The following AREL1 variants were observed in gnomAD, a reference collection of about 807,000 sequenced individuals.
AREL1 encodes apoptosis resistant E3 ubiquitin protein ligase 1.
AREL1 carries 62 observed loss-of-function variants against 99.0 expected under a neutral mutation model. The observed-to-expected ratio is 0.63, with a 90% CI of 0.51 to 0.77. The LOEUF (loss-of-function observed/expected upper bound fraction) is 0.77, where lower values mean the gene tolerates loss of function less well. AREL1 is among the 30% of genes least tolerant of loss of function. The probability of loss-of-function intolerance (pLI) is 0.00; values close to 1 mark genes in which losing one functional copy is unlikely to be tolerated. For synonymous variants in AREL1, 380 were observed against 376.5 expected (o/e 1.01, Z -0.11); for missense variants, 879 against 1,027.6 (o/e 0.86, Z 1.98).
rs917269426 is a variant in AREL1 at position 74,680,837 on chromosome 14, G to C, written c.481+2459C>G. ...CAGATTTTTGGCCTAGGGTGCTGAA[G>C]TGGTAAGTAAGTATATTGCCAATAT... On this transcript the variant is annotated intron_variant, in intron 5 of 19. Coordinates refer to ENST00000356357, the MANE Select transcript of AREL1 (RefSeq NM_001039479.2). 1.1e-4 allele frequency among the ~76,000 whole-genome samples: 17 copies of C among 152,262 alleles called. No individual in the cohort carries two copies. The South Asian group carries it at 2.9e-3, about 26-fold the overall frequency.
intron 1 of AREL1, 89 bp downstream of exon 1, chr14:74,712,844 A>AC (rs2090340208): frequency 1.1e-5 from 5 of 438,716 alleles, no homozygotes; most frequent in Admixed American, 6.8e-5. Context: ...AGGAGTCTGA[A>AC]CCCCCCTACC....
At chr14:74,668,751 T>A (rs1030040873) in intron 15 of AREL1, among the ~76,000 whole-genome samples, 1 of 152,338 alleles carries the variant, frequency 6.6e-6, no homozygotes, top group Admixed American at 6.5e-5. Flanking sequence ...ATTCCTATTC[T>A]GCTTTTAACT....
At chr14:74,709,458 TCAGCCAC>T (rs1566708106) in intron 1 of AREL1, among the ~76,000 whole-genome samples, 2 of 152,212 alleles carry the variant, frequency 1.3e-5, no homozygotes, top group Non-Finnish European at 2.9e-5. Flanking sequence ...ACATCTCTAT[TCAGCCAC>T]CAACCATACT....
intron 1 of AREL1, among the ~76,000 whole-genome samples, chr14:74,694,806 G>C (rs1225389014): frequency 6.6e-6 from 1 of 151,882 alleles, no homozygotes; most frequent in Non-Finnish European, 1.5e-5. Flanking sequence ...TGGCTAACAC[G>C]GTGAAATCCC....
intron 3 of AREL1, among the ~76,000 whole-genome samples, 173 bp downstream of exon 3, chr14:74,685,427 C>T (rs1443507747): frequency 3.9e-5 from 6 of 152,116 alleles, no homozygotes; most frequent in Non-Finnish European, 8.8e-5. Flanking sequence ...ACTATAATTG[C>T]TCAATAAACC....
At chr14:74,680,518 T>C (rs2089605799) in intron 5 of AREL1, among the ~76,000 whole-genome samples, 2 of 152,164 alleles carry the variant, frequency 1.3e-5, no homozygotes, top group African/African-American at 2.4e-5. Flanking sequence ...AAACTAAGCA[T>C]ACAACTCCAA....
chr14:74,669,105 G>C (rs1030508158), intron 15 of AREL1, among the ~76,000 whole-genome samples: 1 of 152,162 alleles, frequency 6.6e-6, no homozygotes, highest in Non-Finnish European at 1.5e-5. Flanking sequence ...AAGTTGCCCA[G>C]GCTGGTCTTG....
chr14:74,669,723 G>C lies in AREL1; in HGVS notation c.1840C>G (p.Leu614Val). ...TCCATCTCACTCATGTCATTGTTGA[G>C]GATAAAACAAACTTTAGATTTGTAG... The part of the protein sequence containing the change: ...EFYKSKVCFI[L>V]NNDMSEMELV... The change falls in exon 15 of 20, where the codon CTC becomes GTC. Residue 614 changes from leucine to valine, a missense_variant. By Grantham distance (32) the Leu-to-Val change is conservative. Coordinates refer to ENST00000356357, the MANE Select transcript of AREL1 (RefSeq NM_001039479.2). The C allele has an allele frequency of 6.2e-7, 1 of 1,614,118 alleles. No homozygotes were observed. The highest frequency in any genetic ancestry group is 1.7e-5 in the Admixed American group (1 of 60,014).
chr14:74,708,830 T>G (rs1370155401), intron 1 of AREL1, among the ~76,000 whole-genome samples: 1 of 152,214 alleles, frequency 6.6e-6, no homozygotes, highest in Non-Finnish European at 1.5e-5. Context: ...ACCATGACTA[T>G]TTAGTTTCTA....
chr14:74,702,338 C>A (rs1179565837), intron 1 of AREL1, among the ~76,000 whole-genome samples: 2 of 152,242 alleles, frequency 1.3e-5, no homozygotes, highest in African/African-American at 2.4e-5. Context: ...GGTTCTCAAA[C>A]CTCAGTTCTT....
At position 74,672,892 on chromosome 14, in the gene AREL1, T is replaced by A; in HGVS notation, c.1361A>T (p.His454Leu). ...NFFQRELRQVHMKRPHSKVTL... is the reference protein window; with the variant it reads ...NFFQRELRQVLMKRPHSKVTL... ...GACTTTGGAATGTGGTCTTTTCATATGTACCTGCCGAAGCTCTCGCTGGAA... is the reference window on the plus strand; with the variant it reads ...GACTTTGGAATGTGGTCTTTTCATAAGTACCTGCCGAAGCTCTCGCTGGAA... The change falls in exon 11 of 20, where the codon CAT becomes CTT. Residue 454 changes from histidine (H) to leucine (L), a missense_variant. Transcript: ENST00000356357. The A allele has an allele frequency of 6.2e-7, 1 of 1,614,228 alleles. No homozygotes were observed. The highest frequency in any genetic ancestry group is 8.5e-7 in the Non-Finnish European group (1 of 1,180,036).
chr14:74,675,544 C>T (rs1436012355), intron 8 of AREL1, among the ~76,000 whole-genome samples, 155 bp downstream of exon 8: 3 of 152,132 alleles, frequency 2.0e-5, no homozygotes, highest in Non-Finnish European at 4.4e-5. Context: ...TTTATGCTAG[C>T]AAGAAATTTT....
intron 11 of AREL1, 45 bp downstream of exon 11, chr14:74,672,786 T>C: frequency 1.9e-6 from 3 of 1,611,822 alleles, no homozygotes; most frequent in East Asian, 4.5e-5. Context: ...AGACATTCAA[T>C]TGGAAAACTT....
intron 5 of AREL1, among the ~76,000 whole-genome samples, chr14:74,679,240 T>C (rs1000665955): frequency 6.6e-6 from 1 of 152,142 alleles, no homozygotes; most frequent in Non-Finnish European, 1.5e-5. Flanking sequence ...CTGAGCAACA[T>C]GGCAAAGCCC....
intron 2 of AREL1, among the ~76,000 whole-genome samples, chr14:74,688,100 A>G (rs2089788970): frequency 7.6e-6 from 1 of 132,446 alleles, no homozygotes; most frequent in Non-Finnish European, 1.5e-5. Flanking sequence ...ATCTCGGCTC[A>G]CTGAAAGCTC....
In AREL1 at chr14:74,683,297, A is replaced by G; in HGVS notation, c.480T>C (p.Pro160=). ...AYSPYYKIFQ[P]GMVVPSKTKI... is the part of the protein sequence containing the mutation. ...AAAAGAAAGGAAAAAAGAACCTACCAGGTTGAAAAATTTTGTAGTAGGGAC... is the reference window on the plus strand; with the variant it reads ...AAAAGAAAGGAAAAAAGAACCTACCGGGTTGAAAAATTTTGTAGTAGGGAC... Residue 160 remains proline (P), a splice_region_variant and synonymous_variant, in exon 5 of 20, where the codon CCT becomes CCC. Coordinates refer to ENST00000356357, the MANE Select transcript of AREL1 (RefSeq NM_001039479.2). 2 of 1,608,208 alleles carry G rather than the reference A, an allele frequency of 1.2e-6. No individual in the cohort carries two copies. The highest frequency in any genetic ancestry group is 2.2e-5 in the East Asian group (1 of 44,770).
In AREL1 at chr14:74,667,419, G is replaced by T. The variant is rs1275170547; in HGVS notation, c.2045-42C>A. 5 of 1,614,018 alleles carry T rather than the reference G, an allele frequency of 3.1e-6. No homozygotes were observed. The Admixed American group carries it at 6.7e-5, about 22-fold the overall frequency. On this transcript the variant is annotated intron_variant, in intron 16 of 19. Transcript: ENST00000356357. ...AAGTTAAAGTCATACCCACACCATGGATACAGGTATTTTAACTTCAAGGCC... is the reference window on the plus strand; with the variant it reads ...AAGTTAAAGTCATACCCACACCATGTATACAGGTATTTTAACTTCAAGGCC...
At chr14:74,670,697 G>T in intron 13 of AREL1, 65 bp downstream of exon 13, 1 of 1,399,322 alleles carries the variant, frequency 7.1e-7, no homozygotes. Flanking sequence ...TCATAATTTT[G>T]AATCCTTGTT....
chr14:74,708,526 G>A (rs1054923368), intron 1 of AREL1, among the ~76,000 whole-genome samples: 9 of 152,088 alleles, frequency 5.9e-5, no homozygotes, highest in South Asian at 2.1e-4. Context: ...TTCCCAAAGC[G>A]GACAAGAGAG....
Sources: gnomAD v4.1 joint callset for allele counts (sites outside exome capture counted in the v4.1 genomes callset) on GRCh38, gnomAD v4.1.1 for gene constraint, MANE v1.5 for transcripts, NCBI Gene and HGNC (gene_info 2026-07-23, HGNC 2026-07-21) for gene names.